Variants in VPS26A observed in about 807,000 individuals in gnomAD.
VPS26A encodes the protein vacuolar protein sorting-associated protein 26A.
A neutral mutation model predicts 42.4 loss-of-function variants in VPS26A; 22 were observed. That is an observed-to-expected ratio of 0.52 (90% CI 0.37 to 0.74). VPS26A has a LOEUF of 0.74. Among genes scored for constraint, VPS26A ranks in the 30% least tolerant of loss-of-function variants. The pLI is 0.00. For missense variants in VPS26A, 276 were observed against 379.2 expected, an observed-to-expected ratio of 0.73 and a Z score of 2.26; for synonymous variants, 110 against 123.5, an observed-to-expected ratio of 0.89 and a Z score of 0.73.
rs1564669215 is a variant in VPS26A at position 69,124,238 on chromosome 10, AGAG to A, written c.-36_-34del. The A allele has an allele frequency of 3.1e-6, 4 of 1,283,022 alleles. No homozygotes were observed. The highest frequency in any genetic ancestry group is 1.5e-5 in the African/African-American group (1 of 65,282). 79.5% of individuals were successfully genotyped at this position (1,283,022 alleles called of 1,614,324 possible). A position where few individuals can be genotyped will look rare whatever the true frequency, so the allele number is the denominator to read the frequency against. On this transcript the variant is annotated 5_prime_UTR_variant, in exon 1 of 9. Transcript: ENST00000263559. ...CGGGGCTGGGAGTTCTCCTGAGGGA[AGAG>A]GAGTGGAGTAGGGGGGACGCGGCGG...
At chr10:69,126,202 TG>T (rs1333457527) in intron 1 of VPS26A, among the ~76,000 whole-genome samples, 1 of 150,282 alleles carries the variant, frequency 6.7e-6, no homozygotes, top group African/African-American at 2.4e-5. Flanking sequence ...GGCTCACACC[TG>T]TAATCCCAAC....
At chr10:69,170,308 T>G (rs1216793251) in intron 8 of VPS26A, 2 of 152,220 alleles carry the variant, frequency 1.3e-5, no homozygotes, top group Non-Finnish European at 1.5e-5. Context: ...TTTATAACTT[T>G]GAAATAAATT....
intron 8 of VPS26A, 49 bp from the exon 9 acceptor site, chr10:69,171,107 G>C (rs764049782): frequency 7.1e-7 from 1 of 1,405,936 alleles, no homozygotes. Context: ...ATAGAGATAA[G>C]GCATCATATC....
At chr10:69,131,683 A>G (rs1840782255) in intron 1 of VPS26A, among the ~76,000 whole-genome samples, 1 of 152,022 alleles carries the variant, frequency 6.6e-6, no homozygotes, top group South Asian at 2.1e-4. Context: ...TAGTGAGCCA[A>G]GATTGCACCA....
intron 2 of VPS26A, among the ~76,000 whole-genome samples, chr10:69,153,349 C>T (rs1175902895): frequency 2.0e-5 from 3 of 149,842 alleles, no homozygotes; most frequent in Non-Finnish European, 4.4e-5. Flanking sequence ...TGTGCCCTGC[C>T]TTTTTTTTGT....
intron 2 of VPS26A, among the ~76,000 whole-genome samples, chr10:69,142,242 T>C (rs548366544): frequency 6.4e-5 from 9 of 140,706 alleles, no homozygotes; most frequent in African/African-American, 2.4e-4. Flanking sequence ...CTGAGTGTAG[T>C]GTCATGATTA....
At chr10:69,133,664 G>T (rs1411948125) in intron 2 of VPS26A, 7 of 1,172,292 alleles carry the variant, frequency 6.0e-6, no homozygotes, top group African/African-American at 1.6e-5. Flanking sequence ...TTTGTTTTGG[G>T]TTTTTTGGGT....
At chr10:69,136,674 T>C (rs957463151) in intron 2 of VPS26A, among the ~76,000 whole-genome samples, 10 of 152,212 alleles carry the variant, frequency 6.6e-5, no homozygotes, top group African/African-American at 1.4e-4. Context: ...TTTTTACTTA[T>C]GAAATGGAAT....
At chr10:69,130,582 C>T (rs1840752984) in intron 1 of VPS26A, among the ~76,000 whole-genome samples, 1 of 152,098 alleles carries the variant, frequency 6.6e-6, no homozygotes, top group South Asian at 2.1e-4. Context: ...TGAAAAAGTA[C>T]ACGAATAGGT....
rs71035066 is a variant in VPS26A at position 69,160,127 on chromosome 10, TACACACACACACAC to T, written c.551+1944_551+1957del. 5.9e-3 allele frequency among the ~76,000 whole-genome samples: 876 copies of T among 148,438 alleles called. 11 individuals carry two copies. Among genetic ancestry groups the T allele is most frequent in the South Asian group, 0.024 (113 of 4,680 alleles). On this transcript the variant is annotated intron_variant, in intron 5 of 8. Coordinates refer to ENST00000263559, the MANE Select transcript of VPS26A (RefSeq NM_004896.5). ...CTTCCCTTCAGACTGACATAATTTT[TACACACACACACAC>T]ACACACACACACACACACACACACA...
intron 5 of VPS26A, among the ~76,000 whole-genome samples, chr10:69,160,515 G>T (rs1286531273): frequency 6.7e-6 from 1 of 149,322 alleles, no homozygotes; most frequent in Non-Finnish European, 1.5e-5. Context: ...GCAGTGGCAT[G>T]ATCTCGGCTC....
intron 1 of VPS26A, 141 bp downstream of exon 1, chr10:69,124,421 C>A: frequency 1.0e-6 from 1 of 978,806 alleles, no homozygotes; most frequent in Non-Finnish European, 1.3e-6. Context: ...GTCGGGCCAC[C>A]CCTGGGTCTG....
chr10:69,131,570 T>C (rs1441563965), intron 1 of VPS26A, among the ~76,000 whole-genome samples: 6 of 152,098 alleles, frequency 3.9e-5, no homozygotes, highest in Non-Finnish European at 7.4e-5. Flanking sequence ...CTGTCTCTAC[T>C]AAAAATACAA....
intron 2 of VPS26A, among the ~76,000 whole-genome samples, chr10:69,137,721 A>G (rs944990293): frequency 6.6e-6 from 1 of 152,014 alleles, no homozygotes; most frequent in Non-Finnish European, 1.5e-5. Flanking sequence ...ACTCACCCAC[A>G]CTCAAGAGGA....
chr10:69,152,931 C>T (rs1841347460), intron 2 of VPS26A, among the ~76,000 whole-genome samples: 1 of 149,604 alleles, frequency 6.7e-6, no homozygotes, highest in African/African-American at 2.5e-5. Context: ...GATCGTGCCA[C>T]TGCACTCCAG....
At chr10:69,156,904 A>G in intron 3 of VPS26A, 103 bp from the exon 4 acceptor site, 3 of 1,098,656 alleles carry the variant, frequency 2.7e-6, no homozygotes, top group Non-Finnish European at 3.8e-6. Flanking sequence ...AGACAAACTC[A>G]ATAATTCTTT....
At chr10:69,145,848 C>G (rs1402519916) in intron 2 of VPS26A, among the ~76,000 whole-genome samples, 1 of 151,696 alleles carries the variant, frequency 6.6e-6, no homozygotes, top group Admixed American at 6.6e-5. Context: ...AAATGTAATT[C>G]CAGAACATTT....
intron 2 of VPS26A, among the ~76,000 whole-genome samples, 157 bp from the exon 3 acceptor site, chr10:69,155,655 G>A (rs1841417104): frequency 2.0e-5 from 3 of 152,176 alleles, no homozygotes; most frequent in Admixed American, 6.6e-5. Context: ...ACCTTCTCTG[G>A]TGCTATAACA....
At chr10:69,152,488 T>C (rs370881751) in intron 2 of VPS26A, among the ~76,000 whole-genome samples, 69 of 152,318 alleles carry the variant, frequency 4.5e-4, no homozygotes, top group African/African-American at 1.5e-3. Context: ...TCTGAGTTAT[T>C]TTGAAGGCAA....
Sources: gnomAD v4.1 joint callset for allele counts (sites outside exome capture counted in the v4.1 genomes callset) on GRCh38, gnomAD v4.1.1 for gene constraint, MANE v1.5 for transcripts, NCBI Gene and HGNC (gene_info 2026-07-23, HGNC 2026-07-21) for gene names.